THAP2: variants seen among roughly 807,000 people sequenced by gnomAD.
THAP2 encodes THAP domain-containing protein 2.
Under a neutral mutation model 18.8 loss-of-function variants are expected in THAP2, and 16 were observed. The observed-to-expected ratio is 0.85, with a 90% CI of 0.58 to 1.29. The LOEUF (loss-of-function observed/expected upper bound fraction) is 1.29, where lower values mean the gene tolerates loss of function less well. Among genes scored for constraint, THAP2 ranks in the 50% most tolerant of loss-of-function variants. THAP2 has a pLI of 0.00. For synonymous variants in THAP2, 80 were observed against 89.2 expected (o/e 0.90, Z 0.58); for missense variants, 251 against 265.3 (o/e 0.95, Z 0.38).
chr12:71,674,169 G>A (rs1271236687), intron 1 of THAP2, 34 bp from the exon 2 acceptor site: 65 of 1,527,296 alleles, frequency 4.3e-5, no homozygotes, highest in Non-Finnish European at 5.6e-5. Flanking sequence ...AATTATGATA[G>A]TTGGAATTTG....
rs143741457 is a variant in THAP2, at chr12:71,664,533, G to C, written c.24G>C (p.Ala8=). The change falls in exon 1 of 3, where the codon GCG becomes GCC. Residue 8 remains alanine, a synonymous_variant. Coordinates refer to ENST00000308086, the MANE Select transcript of THAP2 (RefSeq NM_031435.4). MPTNCAA[A]GCATTYNKHI... ...AAATGCCGACCAATTGCGCTGCGGC[G>C]GGCTGTGCCACTACCTACAACAAGC... The C allele has an allele frequency of 2.4e-5, 39 of 1,614,042 alleles. No individual in the cohort carries two copies. Among genetic ancestry groups the C allele is most frequent in the Non-Finnish European group, 2.1e-5 (25 of 1,180,020 alleles).
At chr12:71,671,261 A>C (rs1881431956) in intron 1 of THAP2, among the ~76,000 whole-genome samples, 1 of 152,230 alleles carries the variant, frequency 6.6e-6, no homozygotes, top group African/African-American at 2.4e-5. Flanking sequence ...CTATTATAGA[A>C]GGGTCCATGT....
At chr12:71,672,080 A>G (rs554006463) in intron 1 of THAP2, among the ~76,000 whole-genome samples, 5 of 152,324 alleles carry the variant, frequency 3.3e-5, no homozygotes, top group African/African-American at 1.2e-4. Context: ...TATAAACCCA[A>G]CTGCATTTGT....
chr12:71,674,463 G>A, intron 2 of THAP2, 65 bp downstream of exon 2: 3 of 1,448,452 alleles, frequency 2.1e-6, no homozygotes, highest in South Asian at 2.9e-5. Context: ...TGTTTATGCA[G>A]TTATTAACTG....
intron 1 of THAP2, chr12:71,664,813 T>TTA: frequency 1.5e-6 from 1 of 688,176 alleles, no homozygotes; most frequent in Non-Finnish European, 2.6e-6. Context: ...TACCCCTTAG[T>TTA]AAAAAAAAGT....
chr12:71,667,244 G>C (rs1207840587), intron 1 of THAP2, among the ~76,000 whole-genome samples: 2 of 152,038 alleles, frequency 1.3e-5, no homozygotes, highest in Non-Finnish European at 2.9e-5. Flanking sequence ...CTAATTTTAT[G>C]ATTATCTTCT....
rs186587512 is a variant in THAP2, at chr12:71,679,989, G to A, written c.*2881G>A. 4 of 152,200 alleles carry A rather than the reference G, an allele frequency of 2.6e-5. No homozygotes were observed. Among genetic ancestry groups the A allele is most frequent in the East Asian group, 1.9e-4 (1 of 5,186 alleles). The allele number at this position is 152,200 out of a possible 1,614,324, so 9.4% of individuals were successfully genotyped here. ...ATAGCTATAAATAAAATACTACATC[G>A]AAATCCAGCACTGGAGTTCATTTGA... On this transcript the variant is annotated 3_prime_UTR_variant, in exon 3 of 3. Coordinates refer to ENST00000308086, the MANE Select transcript of THAP2 (RefSeq NM_031435.4).
At chr12:71,664,647 A>C in intron 1 of THAP2, 67 bp downstream of exon 1, 1 of 1,550,342 alleles carries the variant, frequency 6.5e-7, no homozygotes, top group Non-Finnish European at 8.9e-7. Context: ...CTTGTGTGGA[A>C]GGAACAGGAG....
intron 1 of THAP2, among the ~76,000 whole-genome samples, chr12:71,669,382 C>A (rs17110148): frequency 0.03 from 4,494 of 152,162 alleles, 187 homozygotes; most frequent in African/African-American, 0.1. Flanking sequence ...AATTAAGGAG[C>A]TAGTTTTAAA....
intron 1 of THAP2, among the ~76,000 whole-genome samples, chr12:71,669,840 C>G (rs540123822): frequency 1.3e-3 from 197 of 151,708 alleles, no homozygotes; most frequent in Non-Finnish European, 2.3e-3. Context: ...ACCTATAATC[C>G]TAGCTACTCA....
chr12:71,677,073 C>A lies in THAP2; in HGVS notation c.652C>A (p.Leu218Ile). Reference sequence around the variant, plus strand: ...TCAACAAGATAAAACACTGCTAAGTCTAAATCTAAAACAGACCAAGAGTAC... The same window carrying A: ...TCAACAAGATAAAACACTGCTAAGTATAAATCTAAAACAGACCAAGAGTAC... ...QDQQDKTLLSLNLKQTKSTFI is the reference protein window; with the variant it reads ...QDQQDKTLLSINLKQTKSTFI Residue 218 changes from leucine (L) to isoleucine (I), a missense_variant, in exon 3 of 3, where the codon CTA (leucine) becomes ATA (isoleucine). Coordinates refer to ENST00000308086, the MANE Select transcript of THAP2 (RefSeq NM_031435.4). The A allele has an allele frequency of 6.2e-7, 1 of 1,609,872 alleles. No individual in the cohort carries two copies. Among genetic ancestry groups the A allele is most frequent in the South Asian group, 1.1e-5 (1 of 90,464 alleles).
rs768005414 is a variant in THAP2, at chr12:71,674,238, T to C, written c.107T>C (p.Val36Ala). 1 of 1,610,830 alleles carries C rather than the reference T, an allele frequency of 6.2e-7. No individual in the cohort carries two copies. Among genetic ancestry groups the C allele is most frequent in the Non-Finnish European group, 8.5e-7 (1 of 1,178,096 alleles). Residue 36 changes from valine (V) to alanine (A), a missense_variant, in exon 2 of 3, where the codon GTT becomes GCT. Transcript: ENST00000308086. ...GATCCTAAAAGAAGAAAAGAATGGGTTCGCCTGGTTAGGCGCAAAAATTTT... is the reference window on the plus strand; with the variant it reads ...GATCCTAAAAGAAGAAAAGAATGGGCTCGCCTGGTTAGGCGCAAAAATTTT... ...PLDPKRRKEW[V>A]RLVRRKNFVP...
chr12:71,676,598 G>C (rs1436993628), intron 2 of THAP2, 91 bp from the exon 3 acceptor site: 1 of 1,361,816 alleles, frequency 7.3e-7, no homozygotes, highest in Non-Finnish European at 9.9e-7. Flanking sequence ...TAAAAGAGCA[G>C]TTTAAATACT....
intron 1 of THAP2, chr12:71,665,268 T>G (rs779276669): frequency 6.3e-5 from 18 of 285,750 alleles, no homozygotes; most frequent in Non-Finnish European, 9.9e-5. Flanking sequence ...TGCAAGTGCC[T>G]GCCACGTGCC....
intron 1 of THAP2, among the ~76,000 whole-genome samples, chr12:71,668,159 A>T (rs1372287811): frequency 6.6e-6 from 1 of 152,158 alleles, no homozygotes; most frequent in Non-Finnish European, 1.5e-5. Context: ...GCATTGTTTC[A>T]TAACACTATT....
In THAP2 at chr12:71,679,162, AT is replaced by A. The variant is rs906620808; in HGVS notation, c.*2058del. On this transcript the variant is annotated 3_prime_UTR_variant, in exon 3 of 3. Coordinates refer to ENST00000308086, the MANE Select transcript of THAP2 (RefSeq NM_031435.4). ...CAGTAATACCTTGAAACCTTAATAA[AT>A]TTTAAAAATCATAAAAATAAAATAT... 1.4e-4 allele frequency: 22 copies of A among 152,150 alleles called. No homozygotes were observed. Among genetic ancestry groups the A allele is most frequent in the African/African-American group, 5.3e-4 (22 of 41,446 alleles). The allele number at this position is 152,150 out of a possible 1,614,324, so 9.4% of individuals were successfully genotyped here.
Position 71,674,276 on chromosome 12 carries a change from C to T in THAP2, c.145C>T (p.His49Tyr), listed in dbSNP as rs1881487701. 1 of 1,612,058 alleles carries T rather than the reference C, an allele frequency of 6.2e-7. No individual in the cohort carries two copies. Among genetic ancestry groups the T allele is most frequent in the East Asian group, 2.2e-5 (1 of 44,816 alleles). Residue 49 changes from histidine (H) to tyrosine (Y), a missense_variant, in exon 2 of 3, where the codon CAC (histidine) becomes TAC (tyrosine). Transcript: ENST00000308086. ...VRRKNFVPGKHTFLCSKHFEA... is the reference protein window; with the variant it reads ...VRRKNFVPGKYTFLCSKHFEA... The stretch of plus-strand genomic sequence containing the variant: ...GCGCAAAAATTTTGTGCCAGGAAAA[C>T]ACACTTTTCTTTGTTCAAAGCACTT...
At chr12:71,675,158 T>TA (rs920222362) in intron 2 of THAP2, among the ~76,000 whole-genome samples, 1 of 151,934 alleles carries the variant, frequency 6.6e-6, no homozygotes, top group Non-Finnish European at 1.5e-5. Context: ...CACAAATAGT[T>TA]TAGCTTTGAA....
chr12:71,666,019 G>C (rs1003316445), intron 1 of THAP2, among the ~76,000 whole-genome samples: 1 of 152,288 alleles, frequency 6.6e-6, no homozygotes, highest in African/African-American at 2.4e-5. Context: ...TTGAATTAGG[G>C]AATGTGTGAG....
Sources: allele counts gnomAD v4.1 joint callset (sites outside exome capture counted in the v4.1 genomes callset), GRCh38; gene constraint gnomAD v4.1.1; transcripts MANE v1.5; gene names NCBI Gene and HGNC (gene_info 2026-07-23, HGNC 2026-07-21).